The following SYNDIG1L variants were observed in gnomAD, a reference collection of about 807,000 sequenced individuals.
SYNDIG1L encodes synapse differentiation-inducing gene protein 1-like.
In SYNDIG1L, 13 loss-of-function variants were observed where a neutral mutation model predicts 20.1. The observed-to-expected ratio is 0.65, with a 90% CI of 0.42 to 1.03. The LOEUF is 1.03. Among genes scored for constraint, SYNDIG1L ranks in the 50% least tolerant of loss-of-function variants. The pLI, the probability that SYNDIG1L is intolerant of heterozygous loss-of-function variation, is 0.00. For synonymous variants in SYNDIG1L, 128 were observed against 129.3 expected (o/e 0.99, Z 0.07); for missense variants, 294 against 305.1 (o/e 0.96, Z 0.27).
the SYNDIG1L span, among the ~76,000 whole-genome samples, chr14:74,449,646 A>T: frequency 1.3e-5 from 2 of 151,410 alleles, no homozygotes; most frequent in African/African-American, 4.8e-5. Flanking sequence ...AAGAAAAAGA[A>T]AAAGAAAAGA....
chr14:74,470,322 A>T, the SYNDIG1L span, among the ~76,000 whole-genome samples: 1 of 152,090 alleles, frequency 6.6e-6, no homozygotes, highest in East Asian at 1.9e-4. Flanking sequence ...AGCATTTGTC[A>T]CCCAGAACCC....
chr14:74,420,058 G>A (rs2086209025), intron 1 of SYNDIG1L, among the ~76,000 whole-genome samples: 1 of 152,050 alleles, frequency 6.6e-6, no homozygotes, highest in Admixed American at 6.6e-5. Flanking sequence ...ATTTAAGGTG[G>A]GTGAGAATGG....
At chr14:74,455,394 C>CTTTT in the SYNDIG1L span, among the ~76,000 whole-genome samples, 1 of 123,768 alleles carries the variant, frequency 8.1e-6, no homozygotes, top group African/African-American at 3.2e-5. Context: ...CTTCCCCAAT[C>CTTTT]TTTTTTTTTT....
At chr14:74,440,601 C>T in the SYNDIG1L span, among the ~76,000 whole-genome samples, 2 of 149,542 alleles carry the variant, frequency 1.3e-5, no homozygotes, top group African/African-American at 2.5e-5. Flanking sequence ...AGGAGAATGG[C>T]GTGAACCTGG....
At chr14:74,458,703 AT>A in the SYNDIG1L span, among the ~76,000 whole-genome samples, 14 of 151,866 alleles carry the variant, frequency 9.2e-5, no homozygotes, top group South Asian at 2.1e-4. Context: ...CACCCAGAAA[AT>A]TTTTTTTGTA....
chr14:74,476,073 C>A, the SYNDIG1L span: 1 of 209,634 alleles, frequency 4.8e-6, no homozygotes, highest in Non-Finnish European at 9.6e-6. Context: ...GATTGCAAAA[C>A]AGAAAAGAAT....
chr14:74,422,194 C>A (rs182217526), intron 1 of SYNDIG1L, among the ~76,000 whole-genome samples: 2 of 152,326 alleles, frequency 1.3e-5, no homozygotes, highest in Non-Finnish European at 2.9e-5. Flanking sequence ...TCCGGCCCCA[C>A]TCCCTGCTTG....
chr14:74,444,470 G>T, the SYNDIG1L span, among the ~76,000 whole-genome samples: 25 of 151,916 alleles, frequency 1.6e-4, no homozygotes, highest in African/African-American at 6.0e-4. Context: ...ACAAAATAAG[G>T]CTGGGCATGG....
At chr14:74,455,393 T>TA in the SYNDIG1L span, among the ~76,000 whole-genome samples, 1 of 105,870 alleles carries the variant, frequency 9.4e-6, no homozygotes, top group Non-Finnish European at 1.8e-5. Context: ...TCTTCCCCAA[T>TA]CTTTTTTTTT....
chr14:74,459,422 T>C, the SYNDIG1L span, among the ~76,000 whole-genome samples: 8 of 151,720 alleles, frequency 5.3e-5, no homozygotes, highest in African/African-American at 1.7e-4. Context: ...GAGGATCCCT[T>C]GAGAGTGGGA....
the SYNDIG1L span, among the ~76,000 whole-genome samples, chr14:74,439,349 G>A: frequency 6.6e-6 from 1 of 152,250 alleles, no homozygotes; most frequent in South Asian, 2.1e-4. Context: ...CACACCTTAA[G>A]TCATAAAGCT....
the SYNDIG1L span, among the ~76,000 whole-genome samples, chr14:74,475,233 A>G: frequency 6.6e-6 from 1 of 151,602 alleles, no homozygotes; most frequent in Non-Finnish European, 1.5e-5. Flanking sequence ...TAATAATACT[A>G]ACGACCTTTC....
At chr14:74,470,962 A>G in the SYNDIG1L span, among the ~76,000 whole-genome samples, 3 of 152,168 alleles carry the variant, frequency 2.0e-5, no homozygotes, top group Non-Finnish European at 4.4e-5. Context: ...TTTGTTGTGC[A>G]TGGTTTCAAG....
At chr14:74,449,169 G>T in the SYNDIG1L span, among the ~76,000 whole-genome samples, 3 of 151,658 alleles carry the variant, frequency 2.0e-5, no homozygotes, top group Non-Finnish European at 2.9e-5. Context: ...GGAGGTCAAG[G>T]CTGCAGGGAG....
At chr14:74,457,108 G>A in the SYNDIG1L span, among the ~76,000 whole-genome samples, 2 of 152,216 alleles carry the variant, frequency 1.3e-5, no homozygotes, top group African/African-American at 4.8e-5. Flanking sequence ...CAGCCGGGAA[G>A]GCTGGGCAAA....
chr14:74,461,318 T>C, the SYNDIG1L span, among the ~76,000 whole-genome samples: 27 of 152,176 alleles, frequency 1.8e-4, no homozygotes, highest in South Asian at 4.2e-4. Flanking sequence ...TCTTTCAGAC[T>C]TCTCTACTTT....
At chr14:74,416,934 A>G (rs1237530747) in intron 1 of SYNDIG1L, among the ~76,000 whole-genome samples, 2 of 152,216 alleles carry the variant, frequency 1.3e-5, no homozygotes, top group Non-Finnish European at 2.9e-5. Flanking sequence ...AGGTGCTCAC[A>G]GCACACAGCT....
intron 1 of SYNDIG1L, among the ~76,000 whole-genome samples, chr14:74,416,775 A>T (rs1192439416): frequency 2.0e-5 from 3 of 152,238 alleles, no homozygotes; most frequent in African/African-American, 7.2e-5. Flanking sequence ...TAATAATAAC[A>T]ACCTGTGCTT....
the SYNDIG1L span, among the ~76,000 whole-genome samples, chr14:74,443,319 G>A: frequency 1.7e-4 from 26 of 152,330 alleles, no homozygotes; most frequent in Admixed American, 1.5e-3. Flanking sequence ...GTGGAACAAT[G>A]ATAAAAGGTC....
Sources: gnomAD v4.1 joint callset for allele counts (sites outside exome capture counted in the v4.1 genomes callset) on GRCh38, gnomAD v4.1.1 for gene constraint, MANE v1.5 for transcripts, NCBI Gene and HGNC (gene_info 2026-07-23, HGNC 2026-07-21) for gene names.